MACROD2: variants seen among roughly 807,000 people sequenced by gnomAD.
MACROD2 encodes the protein mono-ADP ribosylhydrolase 2, also known as ADP-ribose glycohydrolase MACROD2.
A neutral mutation model predicts 70.4 loss-of-function variants in MACROD2; 36 were observed. That is an observed-to-expected ratio of 0.51 (90% CI 0.39 to 0.68). The LOEUF (loss-of-function observed/expected upper bound fraction) is 0.68. MACROD2 is among the 30% of genes least tolerant of loss of function. MACROD2 has a pLI of 0.00. For synonymous variants in MACROD2, 172 were observed against 178.8 expected (o/e 0.96, Z 0.30); for missense variants, 496 against 538.4 (o/e 0.92, Z 0.78).
intron 15 of MACROD2, among the ~76,000 whole-genome samples, chr20:16,031,679 G>A (rs1003348276): frequency 4.6e-5 from 7 of 152,044 alleles, no homozygotes; most frequent in Admixed American, 3.9e-4. Context: ...TATAGTAAAT[G>A]CATATATTGA....
chr20:14,628,572 A>C (rs1456069839), intron 4 of MACROD2: 1 of 152,166 alleles, frequency 6.6e-6, no homozygotes, highest in African/African-American at 2.4e-5. Context: ...GTGTGTTTGT[A>C]TGTAGGGAGA....
At chr20:14,704,575 G>T (rs6042870) in intron 5 of MACROD2, among the ~76,000 whole-genome samples, 5 of 151,868 alleles carry the variant, frequency 3.3e-5, no homozygotes, top group South Asian at 2.1e-4. Context: ...GAAACTCAAA[G>T]GAAGATATCC....
intron 8 of MACROD2, among the ~76,000 whole-genome samples, chr20:15,556,492 T>A (rs544803596): frequency 6.6e-6 from 1 of 152,346 alleles, no homozygotes; most frequent in South Asian, 2.1e-4. Context: ...AATTATATAC[T>A]ACTTTCTAAA....
Position 13,995,695 on chromosome 20 carries a change from C to CCA in MACROD2, c.-61_-60dup. 1 of 956,956 alleles carries CCA rather than the reference C, an allele frequency of 1.0e-6. No homozygotes were observed. Among genetic ancestry groups the CCA allele is most frequent in the Non-Finnish European group, 1.6e-6 (1 of 620,922 alleles). 59.3% of individuals were successfully genotyped at this position (956,956 alleles called of 1,614,324 possible). On this transcript the variant is annotated 5_prime_UTR_variant, in exon 1 of 18. Transcript: ENST00000684519. The surrounding 1 kb of genome is among the most constrained non-coding windows in gnomAD (Gnocchi z 4.3). The stretch of plus-strand genomic sequence containing the variant: ...AGTGCCCCCTCCCACCCCTCCCACT[C>CCA]CACACACACCCTGTTTGCCCGTGAG...
intron 5 of MACROD2, among the ~76,000 whole-genome samples, chr20:15,149,383 G>C (rs1306949029): frequency 6.6e-6 from 1 of 152,008 alleles, no homozygotes; most frequent in Non-Finnish European, 1.5e-5. Context: ...AGTGTGATCA[G>C]GGTGAGGAAC....
rs926671448 is a variant in MACROD2 at position 16,052,011 on chromosome 20, G to A, written c.*2135G>A. The A allele has an allele frequency of 1.3e-5, 2 of 152,204 alleles. No individual in the cohort carries two copies. Among genetic ancestry groups the A allele is most frequent in the African/African-American group, 4.8e-5 (2 of 41,460 alleles). 9.4% of individuals were successfully genotyped at this position (152,204 alleles called of 1,614,324 possible). ...ATTTATTTCAAATGTGGGTGGGCTA[G>A]AAGTGGAAGGAGGGAATTCTCTCTG... On this transcript the variant is annotated 3_prime_UTR_variant, in exon 18 of 18. Transcript: ENST00000684519.
At chr20:15,754,492 C>T (rs1005156963) in intron 8 of MACROD2, among the ~76,000 whole-genome samples, 1 of 151,814 alleles carries the variant, frequency 6.6e-6, no homozygotes, top group Non-Finnish European at 1.5e-5. Flanking sequence ...GTGTGGTGAC[C>T]CATGCTACTC....
intron 4 of MACROD2, among the ~76,000 whole-genome samples, chr20:14,651,005 G>A (rs561796525): frequency 3.9e-5 from 6 of 152,186 alleles, no homozygotes; most frequent in Non-Finnish European, 7.3e-5. Context: ...GAACAAAAGA[G>A]AGAAGAATTT....
In MACROD2 at chr20:14,855,405, G is replaced by T. The variant is rs150996158; in HGVS notation, c.418+170446G>T. Among the ~76,000 whole-genome samples the T allele has an allele frequency of 3.8e-3, 575 of 152,196 alleles. 5 individuals are homozygous for T. Among genetic ancestry groups the T allele is most frequent in the South Asian group, 7.7e-3 (37 of 4,818 alleles). ...TCCAAGTCCTTAAAAGGGACCTGGC[G>T]GGGGAAGGTCCCTGAAGCTTAAGCT... On this transcript the variant is annotated intron_variant, in intron 5 of 17. Transcript: ENST00000684519.
At chr20:15,031,815 C>G (rs1910212213) in intron 5 of MACROD2, among the ~76,000 whole-genome samples, 1 of 152,140 alleles carries the variant, frequency 6.6e-6, no homozygotes, top group African/African-American at 2.4e-5. Flanking sequence ...GAAATGGCAG[C>G]CTGGCTCCCA....
intron 8 of MACROD2, among the ~76,000 whole-genome samples, chr20:15,640,821 A>G (rs1894608563): frequency 6.6e-6 from 1 of 152,162 alleles, no homozygotes; most frequent in South Asian, 2.1e-4. Flanking sequence ...CCACCAGCAA[A>G]CAGACCCGGG....
chr20:15,996,523 T>C (rs1568695477), intron 15 of MACROD2, among the ~76,000 whole-genome samples: 2 of 152,192 alleles, frequency 1.3e-5, no homozygotes, highest in South Asian at 2.1e-4. Flanking sequence ...AAACTCTTCA[T>C]TGATTTTTGG....
chr20:14,221,367 GT>G (rs2081672206), intron 3 of MACROD2, among the ~76,000 whole-genome samples: 1 of 152,160 alleles, frequency 6.6e-6, no homozygotes, highest in South Asian at 2.1e-4. Flanking sequence ...AATCAAGCAT[GT>G]TGGGGGGCTG....
chr20:15,530,654 C>T (rs1408702883), intron 8 of MACROD2, among the ~76,000 whole-genome samples: 1 of 147,812 alleles, frequency 6.8e-6, no homozygotes, highest in Admixed American at 6.9e-5. Flanking sequence ...ATGGCATGAA[C>T]CCGGGAGCCG....
chr20:14,347,029 C>T (rs1368108520), intron 3 of MACROD2, among the ~76,000 whole-genome samples: 1 of 152,104 alleles, frequency 6.6e-6, no homozygotes, highest in Non-Finnish European at 1.5e-5. Context: ...GAAACTTTTT[C>T]GTGGTCTGTG....
intron 8 of MACROD2, among the ~76,000 whole-genome samples, chr20:15,821,533 G>T (rs550206974): frequency 6.6e-6 from 1 of 152,136 alleles, no homozygotes; most frequent in East Asian, 1.9e-4. Context: ...TTTTCTTATT[G>T]AAATAAATTG....
chr20:15,042,444 C>T (rs2123030359), intron 5 of MACROD2, among the ~76,000 whole-genome samples: 1 of 152,272 alleles, frequency 6.6e-6, no homozygotes, highest in Middle Eastern at 3.4e-3. Flanking sequence ...GTATAGCATC[C>T]TACAGCAGAA....
At chr20:15,231,417 T>C (rs974732080) in intron 6 of MACROD2, among the ~76,000 whole-genome samples, 19 of 152,042 alleles carry the variant, frequency 1.2e-4, no homozygotes, top group Non-Finnish European at 2.5e-4. Context: ...ATTAAAATTT[T>C]GTCAATATGG....
In MACROD2 at chr20:14,529,592, C is replaced by T. The variant is rs187737892; in HGVS notation, c.301+36084C>T. On this transcript the variant is annotated intron_variant, in intron 4 of 17. Coordinates refer to ENST00000684519, the MANE Select transcript of MACROD2 (RefSeq NM_001351661.2). ...CATAAGCTAGAACTGCATCTCTTGCCCATTCCTGAGCAGTCAGTGAAAATG... is the reference window on the plus strand; with the variant it reads ...CATAAGCTAGAACTGCATCTCTTGCTCATTCCTGAGCAGTCAGTGAAAATG... Among the ~76,000 whole-genome samples, 8 of 152,282 alleles carry T rather than the reference C, an allele frequency of 5.3e-5. No individual in the cohort carries two copies. In the East Asian group the frequency reaches 1.5e-3, roughly 29 times the overall value.
Sources: allele counts gnomAD v4.1 joint callset (sites outside exome capture counted in the v4.1 genomes callset), GRCh38; gene constraint gnomAD v4.1.1; non-coding constraint Gnocchi (gnomAD v3.1); transcripts MANE v1.5; gene names NCBI Gene and HGNC (gene_info 2026-07-23, HGNC 2026-07-21).